The following SAMM50 variants were observed in gnomAD, a reference collection of about 807,000 sequenced individuals.
The protein encoded by SAMM50 is SAMM50 sorting and assembly machinery component.
Under a neutral mutation model 66.9 loss-of-function variants are expected in SAMM50, and 47 were observed. That is an observed-to-expected ratio of 0.70 (90% confidence interval 0.56 to 0.90). The LOEUF (loss-of-function observed/expected upper bound fraction) is 0.90. Ranked by LOEUF, SAMM50 falls within the 40% of genes least tolerant of loss-of-function variation. The pLI is 0.00. For synonymous variants in SAMM50, 191 were observed against 214.1 expected (o/e 0.89, Z 0.94); for missense variants, 535 against 595.3 (o/e 0.90, Z 1.05).
chr22:43,963,608 G>A (rs917233483), intron 2 of SAMM50, among the ~76,000 whole-genome samples: 2 of 152,122 alleles, frequency 1.3e-5, no homozygotes, highest in Non-Finnish European at 2.9e-5. Flanking sequence ...TATGTGGGAG[G>A]TTTAGACAAA....
At chr22:43,981,528 A>G in intron 11 of SAMM50, 67 bp downstream of exon 11, 1 of 1,152,236 alleles carries the variant, frequency 8.7e-7, no homozygotes, top group Non-Finnish European at 1.3e-6. Context: ...GTTGTTTTTT[A>G]TAAGATATTT....
rs557390108 is a variant in SAMM50, at chr22:43,955,444, T to G, written c.-134T>G. On this transcript the variant is annotated 5_prime_UTR_variant, in exon 1 of 15. Coordinates refer to ENST00000350028, the MANE Select transcript of SAMM50 (RefSeq NM_015380.5). Reference sequence around the variant, plus strand: ...GGCGGGGAATCATGGCCGCCCCCAGTGTTCCGCGTCCGGGGGTTTGTGGGA... The same window carrying G: ...GGCGGGGAATCATGGCCGCCCCCAGGGTTCCGCGTCCGGGGGTTTGTGGGA... 6.9e-6 allele frequency: 7 copies of G among 1,017,070 alleles called. No homozygotes were observed. The highest frequency in any genetic ancestry group is 2.1e-5 in the Admixed American group (1 of 48,374). The allele number at this position is 1,017,070 out of a possible 1,614,324, so 63.0% of individuals were successfully genotyped here.
intron 13 of SAMM50, among the ~76,000 whole-genome samples, 157 bp downstream of exon 13, chr22:43,989,414 G>A (rs1396662885): frequency 6.8e-6 from 1 of 147,432 alleles, no homozygotes; most frequent in Non-Finnish European, 1.5e-5. Flanking sequence ...TCGGCTCACT[G>A]CAACCTCCAC....
At chr22:43,972,099 C>A in intron 4 of SAMM50, 137 bp from the exon 5 acceptor site, 1 of 550,652 alleles carries the variant, frequency 1.8e-6, no homozygotes, top group Non-Finnish European at 3.2e-6. Flanking sequence ...TTAAACGTTT[C>A]TCATGATTAT....
rs993575416 is a variant in SAMM50 at position 43,955,716 on chromosome 22, G to A, written c.21+118G>A. ...GTTCACCGGGAGAGAGGGTGCCAAG[G>A]GTGCCGGGCTGGGTGGAGGAGGCCG... On this transcript the variant is annotated intron_variant, in intron 1 of 14. Coordinates refer to ENST00000350028, the MANE Select transcript of SAMM50 (RefSeq NM_015380.5). The A allele has an allele frequency of 1.1e-5, 13 of 1,174,574 alleles. No individual in the cohort carries two copies. The Admixed American group carries it at 1.5e-4, about 13-fold the overall frequency. 72.8% of individuals were successfully genotyped at this position (1,174,574 alleles called of 1,614,324 possible). A position where few individuals can be genotyped will look rare whatever the true frequency, so the allele number is the denominator to read the frequency against.
At chr22:43,961,959 C>G (rs1426942893) in intron 1 of SAMM50, among the ~76,000 whole-genome samples, 2 of 152,064 alleles carry the variant, frequency 1.3e-5, no homozygotes, top group Non-Finnish European at 2.9e-5. Context: ...AGGCTGGTCT[C>G]AAACTCCTAG....
rs1250637552 is a variant in SAMM50, at chr22:43,968,744, C to G, written c.248C>G (p.Ser83Cys). The G allele has an allele frequency of 3.2e-5, 52 of 1,611,720 alleles. No individual in the cohort carries two copies. The highest frequency in any genetic ancestry group is 4.4e-5 in the Non-Finnish European group (52 of 1,177,918). ...CCCATTTTATAGGTAATGCGGAAAT[C>G]TCATGAAGCCCGTGAAAAATTGCTC... ...AKNLIEVMRKSHEAREKLLRL... is the reference protein window; with the variant it reads ...AKNLIEVMRKCHEAREKLLRL... Residue 83 changes from serine (S) to cysteine (C), a missense_variant, in exon 4 of 15, where the codon TCT becomes TGT. By Grantham distance (112) the Ser-to-Cys change is moderately radical (BLOSUM62 -1). Transcript: ENST00000350028.
rs755691684 is a variant in SAMM50 at position 43,963,342 on chromosome 22, T to G, written c.78T>G (p.Ala26=). Residue 26 remains alanine (A), a synonymous_variant, in exon 2 of 15, where the codon GCT becomes GCG. Coordinates refer to ENST00000350028, the MANE Select transcript of SAMM50 (RefSeq NM_015380.5). ...ATTTTGGAGGATTAGGAGAAGAAGC[T>G]GAATTTGTTGAAGTTGAGCCTGAAG... ...GPDFGGLGEE[A]EFVEVEPEAK... 1 of 1,613,280 alleles carries G rather than the reference T, an allele frequency of 6.2e-7. No individual in the cohort carries two copies. Among genetic ancestry groups the G allele is most frequent in the Non-Finnish European group, 8.5e-7 (1 of 1,179,860 alleles).
chr22:43,973,445 G>T, intron 7 of SAMM50, 122 bp downstream of exon 7: 1 of 650,002 alleles, frequency 1.5e-6, no homozygotes, highest in Non-Finnish European at 2.9e-6. Context: ...TCCGCACCAG[G>T]TACCTCCTGG....
chr22:43,956,872 C>G (rs1203153649), intron 1 of SAMM50, among the ~76,000 whole-genome samples: 2 of 152,190 alleles, frequency 1.3e-5, no homozygotes, highest in African/African-American at 4.8e-5. Context: ...CCTTATGATT[C>G]TAATTTTAGA....
At chr22:43,994,256 C>T (rs1192349258) in intron 14 of SAMM50, among the ~76,000 whole-genome samples, 1 of 152,208 alleles carries the variant, frequency 6.6e-6, no homozygotes, top group East Asian at 1.9e-4. Flanking sequence ...CCGCGTCCTA[C>T]AGGAACAGAA....
At chr22:43,986,367 A>C (rs6006467) in intron 12 of SAMM50, 22,158 of 151,670 alleles carry the variant, frequency 0.15, 1,814 homozygotes, top group South Asian at 0.24. Flanking sequence ...GAAATTCTAG[A>C]TGTGAAATCG....
At chr22:43,976,241 T>C (rs1050260125) in intron 8 of SAMM50, 58 bp downstream of exon 8, 2 of 1,560,792 alleles carry the variant, frequency 1.3e-6, no homozygotes, top group Non-Finnish European at 1.7e-6. Flanking sequence ...TGCTATGCAT[T>C]GGGAAAACAG....
intron 12 of SAMM50, among the ~76,000 whole-genome samples, chr22:43,985,138 T>TA (rs1176132091): frequency 6.6e-6 from 1 of 151,992 alleles, no homozygotes; most frequent in Non-Finnish European, 1.5e-5. Flanking sequence ...ATAACCCCCA[T>TA]AGCTTCCTTA....
chr22:43,955,499 G>A lies in SAMM50; in HGVS notation c.-79G>A. On this transcript the variant is annotated 5_prime_UTR_variant, in exon 1 of 15. Coordinates refer to ENST00000350028, the MANE Select transcript of SAMM50 (RefSeq NM_015380.5). Reference sequence around the variant, plus strand: ...CCTTGACCTGCAGCTCCGCCACCGCGGACCCGCCTTCTGCCCTCAGCAGCA... The same window carrying A: ...CCTTGACCTGCAGCTCCGCCACCGCAGACCCGCCTTCTGCCCTCAGCAGCA... 6.6e-7 allele frequency: 1 copy of A among 1,523,630 alleles called. No individual in the cohort carries two copies. Among genetic ancestry groups the A allele is most frequent in the South Asian group, 1.2e-5 (1 of 84,094 alleles). The allele number at this position is 1,523,630 out of a possible 1,614,324, so 94.4% of individuals were successfully genotyped here.
rs2050162871 is a variant in SAMM50, at chr22:43,964,456, T to G, written c.137T>G (p.Val46Gly). 2.5e-6 allele frequency: 4 copies of G among 1,589,040 alleles called. No individual in the cohort carries two copies. Among genetic ancestry groups the G allele is most frequent in the Non-Finnish European group, 2.6e-6 (3 of 1,157,476 alleles). The change falls in exon 3 of 15, where the codon GTT becomes GGT. Residue 46 changes from valine (V) to glycine (G), a missense_variant. Transcript: ENST00000350028. ...KQEILENKDVVVQHVHFDGLG... is the reference protein window; with the variant it reads ...KQEILENKDVGVQHVHFDGLG... Reference sequence around the variant, plus strand: ...CTGTCCCTGTGTGACTTTTAGGTGGTTGTTCAACATGTTCATTTTGATGGA... The same window carrying G: ...CTGTCCCTGTGTGACTTTTAGGTGGGTGTTCAACATGTTCATTTTGATGGA...
At chr22:43,979,195 C>T (rs2050249692) in intron 10 of SAMM50, among the ~76,000 whole-genome samples, 2 of 152,258 alleles carry the variant, frequency 1.3e-5, no homozygotes, top group Middle Eastern at 3.2e-3. Flanking sequence ...GCCATCTCCC[C>T]ACCCTGCTTC....
Position 43,976,908 on chromosome 22 carries a change from T to C in SAMM50, c.849+87T>C. 3.0e-5 allele frequency: 14 copies of C among 469,282 alleles called. 1 individual carries two copies. The highest frequency in any genetic ancestry group is 2.5e-4 in the South Asian group (14 of 56,708). The allele number at this position is 469,282 out of a possible 1,614,324, so 29.1% of individuals were successfully genotyped here. On this transcript the variant is annotated intron_variant, in intron 9 of 14. Coordinates refer to ENST00000350028, the MANE Select transcript of SAMM50 (RefSeq NM_015380.5). Reference sequence around the variant, plus strand: ...AAAGTCCCGGTGGGCTGGGTGGGCCTGGGGGTGGGCAGTCCCACAGAGTAA... The same window carrying C: ...AAAGTCCCGGTGGGCTGGGTGGGCCCGGGGGTGGGCAGTCCCACAGAGTAA...
intron 14 of SAMM50, among the ~76,000 whole-genome samples, chr22:43,993,751 T>G (rs189651485): frequency 3.9e-5 from 6 of 152,300 alleles, no homozygotes; most frequent in African/African-American, 1.4e-4. Context: ...GTTGCCAGAT[T>G]TAATCTTCAT....
Sources: allele counts gnomAD v4.1 joint callset (sites outside exome capture counted in the v4.1 genomes callset), GRCh38; gene constraint gnomAD v4.1.1; transcripts MANE v1.5; gene names NCBI Gene and HGNC (gene_info 2026-07-23, HGNC 2026-07-21).